The following CHST8 variants were observed in gnomAD, a reference collection of about 807,000 sequenced individuals.
CHST8 encodes the protein GALNAC-4-ST1.
In CHST8, 10 loss-of-function variants were observed where a neutral mutation model predicts 15.0. That is an observed-to-expected ratio of 0.67 (90% CI 0.41 to 1.13). The LOEUF is 1.13. Among genes scored for constraint, CHST8 ranks in the 50% most tolerant of loss-of-function variants. The pLI is 0.00. For synonymous variants in CHST8, 259 were observed against 256.6 expected (o/e 1.01, Z -0.09); for missense variants, 634 against 608.2 (o/e 1.04, Z -0.45).
At chr19:33,715,126 A>G (rs1187404835) in intron 3 of CHST8, among the ~76,000 whole-genome samples, 1 of 152,156 alleles carries the variant, frequency 6.6e-6, no homozygotes, top group Non-Finnish European at 1.5e-5. Context: ...ACAAGAAAGA[A>G]CTTTGGTCCT....
intron 1 of CHST8, among the ~76,000 whole-genome samples, chr19:33,636,575 G>T (rs567256076): frequency 6.6e-6 from 1 of 152,256 alleles, no homozygotes; most frequent in African/African-American, 2.4e-5. Flanking sequence ...AAAAATTCGG[G>T]CAAGTACATA....
At chr19:33,742,367 C>T (rs1974211101) in intron 3 of CHST8, among the ~76,000 whole-genome samples, 1 of 152,198 alleles carries the variant, frequency 6.6e-6, no homozygotes, top group Non-Finnish European at 1.5e-5. Context: ...GCACCAACAT[C>T]TGCTCAGCCT....
chr19:33,683,872 G>A (rs1568325982), intron 2 of CHST8, among the ~76,000 whole-genome samples: 1 of 152,182 alleles, frequency 6.6e-6, no homozygotes, highest in Non-Finnish European at 1.5e-5. Flanking sequence ...CAGGGAATTC[G>A]GGGCACTGAG....
intron 3 of CHST8, among the ~76,000 whole-genome samples, chr19:33,728,729 G>A (rs1973945759): frequency 6.6e-6 from 1 of 152,176 alleles, no homozygotes; most frequent in African/African-American, 2.4e-5. Flanking sequence ...GGGAGGTGCA[G>A]GGGAGCCCAG....
chr19:33,748,812 ACTTTG>A (rs1372821932), intron 3 of CHST8, among the ~76,000 whole-genome samples: 6 of 152,160 alleles, frequency 3.9e-5, no homozygotes, highest in Non-Finnish European at 1.5e-5. Context: ...TGTCTAGGCC[ACTTTG>A]CTTCATCCAG....
At chr19:33,690,930 C>A (rs370513083) in intron 3 of CHST8, among the ~76,000 whole-genome samples, 2 of 152,092 alleles carry the variant, frequency 1.3e-5, no homozygotes, top group Admixed American at 1.3e-4. Context: ...TTGGTGTGTG[C>A]GTGGTTGGGG....
At chr19:33,631,108 C>T (rs1211409706) in intron 1 of CHST8, among the ~76,000 whole-genome samples, 3 of 152,228 alleles carry the variant, frequency 2.0e-5, no homozygotes, top group East Asian at 1.9e-4. Flanking sequence ...AAAAAGCCGG[C>T]GCTGTCTATG....
chr19:33,773,495 A>C lies in CHST8; in HGVS notation c.*432A>C, dbSNP rs1285606570. ...TGGATTAAGGTTCCAAATAAAGCACATGGTTTCCAGAGCAGCGGTGTGTAC... is the reference window on the plus strand; with the variant it reads ...TGGATTAAGGTTCCAAATAAAGCACCTGGTTTCCAGAGCAGCGGTGTGTAC... On this transcript the variant is annotated 3_prime_UTR_variant, in exon 5 of 5. Transcript: ENST00000650847. 2.1e-5 allele frequency: 4 copies of C among 186,376 alleles called. No individual in the cohort carries two copies. The South Asian group carries it at 3.7e-4, about 17-fold the overall frequency. 11.5% of individuals were successfully genotyped at this position (186,376 alleles called of 1,614,324 possible).
At chr19:33,651,996 GAT>G (rs1972454733) in intron 1 of CHST8, among the ~76,000 whole-genome samples, 1 of 152,058 alleles carries the variant, frequency 6.6e-6, no homozygotes, top group Non-Finnish European at 1.5e-5. Context: ...ATCAGAGTGA[GAT>G]GTGTTAAGAT....
At chr19:33,733,832 C>T (rs1258476579) in intron 3 of CHST8, among the ~76,000 whole-genome samples, 3 of 152,202 alleles carry the variant, frequency 2.0e-5, no homozygotes, top group Admixed American at 6.5e-5. Context: ...GGAGCCACAG[C>T]CAGCCTCTAG....
Position 33,703,470 on chromosome 19 carries a change from G to C in CHST8, c.130+14079G>C, listed in dbSNP as rs148828158. 3.9e-4 allele frequency among the ~76,000 whole-genome samples: 60 copies of C among 152,348 alleles called. No homozygotes were observed. The East Asian group carries it at 9.3e-3, about 24-fold the overall frequency. On this transcript the variant is annotated intron_variant, in intron 3 of 4. Transcript: ENST00000650847. ...CTTGGTTTTTTAAAACTCTGAAAAA[G>C]TTACGGTGGTAGTTATGACAACAGA...
chr19:33,664,678 T>C (rs554225931), intron 1 of CHST8, among the ~76,000 whole-genome samples: 1 of 152,274 alleles, frequency 6.6e-6, no homozygotes, highest in South Asian at 2.1e-4. Flanking sequence ...TTTTTATGCA[T>C]GTGCTTAAAT....
chr19:33,722,107 GGA>G (rs1568342621), intron 3 of CHST8, among the ~76,000 whole-genome samples: 2 of 134,184 alleles, frequency 1.5e-5, no homozygotes, highest in Non-Finnish European at 3.0e-5. Context: ...ATGGATGGAT[GGA>G]TGAAGGGATG....
At position 33,641,865 on chromosome 19, in the gene CHST8, C is replaced by A. The variant is rs999520125; in HGVS notation, c.-164+19569C>A. 3.3e-5 allele frequency among the ~76,000 whole-genome samples: 5 copies of A among 152,264 alleles called. No homozygotes were observed. The South Asian group carries it at 6.2e-4, about 19-fold the overall frequency. ...ATTCACATATTCAAGAACACAGGTC[C>A]ATTTTTATATGAAATCGCTTCCCCT... On this transcript the variant is annotated intron_variant, in intron 1 of 4. Coordinates refer to ENST00000650847, the MANE Select transcript of CHST8 (RefSeq NM_001127895.2).
Position 33,772,964 on chromosome 19 carries a change from C to T in CHST8, c.1176C>T (p.Phe392=). 6.2e-7 allele frequency: 1 copy of T among 1,613,642 alleles called. No homozygotes were observed. Among genetic ancestry groups the T allele is most frequent in the African/African-American group, 1.3e-5 (1 of 75,078 alleles). The change falls in exon 5 of 5, where the codon TTC becomes TTT. Residue 392 remains phenylalanine, a synonymous_variant. Coordinates refer to ENST00000650847, the MANE Select transcript of CHST8 (RefSeq NM_001127895.2). Reference sequence around the variant, plus strand: ...CAGCGAGGATCGCCCACCAGTACTTCGCCCAACTCTCGGCCCTGCAAAGGC... The same window carrying T: ...CAGCGAGGATCGCCCACCAGTACTTTGCCCAACTCTCGGCCCTGCAAAGGC... ...RTTARIAHQY[F]AQLSALQRQR...
intron 3 of CHST8, 119 bp downstream of exon 3, chr19:33,689,510 C>T (rs537265998): frequency 5.7e-5 from 69 of 1,214,282 alleles, no homozygotes; most frequent in Admixed American, 8.4e-5. Flanking sequence ...TGTGCCAAGA[C>T]CCCCGGCAGG....
chr19:33,642,300 C>G (rs1487803382), intron 1 of CHST8, among the ~76,000 whole-genome samples: 1 of 152,176 alleles, frequency 6.6e-6, no homozygotes, highest in South Asian at 2.1e-4. Context: ...GAGGGCCCCC[C>G]CCCACTCCAC....
chr19:33,759,947 T>A lies in CHST8; in HGVS notation c.131-11466T>A, dbSNP rs118065021. On this transcript the variant is annotated intron_variant, in intron 3 of 4. Coordinates refer to ENST00000650847, the MANE Select transcript of CHST8 (RefSeq NM_001127895.2). ...CACTGCAAACCAGGCTGCTCCCCGC[T>A]CCCACCCCATCACCCAGAAAGTCAG... is the stretch of plus-strand genomic sequence containing the variant. Among the ~76,000 whole-genome samples the A allele has an allele frequency of 2.6e-3, 396 of 152,130 alleles. 18 individuals carry two copies. In the East Asian group the frequency reaches 0.068, roughly 26 times the overall value.
At chr19:33,630,061 G>A (rs1296094383) in intron 1 of CHST8, among the ~76,000 whole-genome samples, 1 of 152,222 alleles carries the variant, frequency 6.6e-6, no homozygotes, top group Non-Finnish European at 1.5e-5. Context: ...TGCCTTTTTG[G>A]GGGCTGACTC....
Sources: allele counts gnomAD v4.1 joint callset (sites outside exome capture counted in the v4.1 genomes callset), GRCh38; gene constraint gnomAD v4.1.1; transcripts MANE v1.5; gene names NCBI Gene and HGNC (gene_info 2026-07-23, HGNC 2026-07-21).